DIS3: variants seen among roughly 807,000 people sequenced by gnomAD.
The protein encoded by DIS3 is exosome complex exonuclease RRP44.
In DIS3, 103 loss-of-function variants were observed where a neutral mutation model predicts 113.0. The ratio of observed to expected loss-of-function variants is 0.91; its 90% CI spans 0.78 to 1.07. The LOEUF (loss-of-function observed/expected upper bound fraction) is 1.07, where lower values mean the gene tolerates loss of function less well. DIS3 is among the 50% of genes least tolerant of loss of function. DIS3 has a pLI of 0.00. For synonymous variants in DIS3, 402 were observed against 394.3 expected, an observed-to-expected ratio of 1.02 and a Z score of -0.23; for missense variants, 1,121 against 1,167.1, an observed-to-expected ratio of 0.96 and a Z score of 0.58.
intron 14 of DIS3, among the ~76,000 whole-genome samples, chr13:72,768,390 C>T (rs3782941): frequency 0.093 from 14,082 of 152,178 alleles, 1,813 homozygotes; most frequent in African/African-American, 0.29. Context: ...TGGCTCACAC[C>T]TGTAATCCCA....
At chr13:72,780,533 A>T (rs901235070) in intron 2 of DIS3, among the ~76,000 whole-genome samples, 1 of 152,124 alleles carries the variant, frequency 6.6e-6, no homozygotes, top group Non-Finnish European at 1.5e-5. Flanking sequence ...GAACTTAAGC[A>T]AATCTCATCT....
At position 72,758,327 on chromosome 13, in the gene DIS3, G is replaced by A. The variant is rs112457206; in HGVS notation, c.*1468C>T. ...TCACACAATGATGAAATTGCCAAGT[G>A]ACATGTCTCAGAACATATCCCTGTC... On this transcript the variant is annotated 3_prime_UTR_variant, in exon 21 of 21. Coordinates refer to ENST00000377767, the MANE Select transcript of DIS3 (RefSeq NM_014953.5). 667 of 183,136 alleles carry A rather than the reference G, an allele frequency of 3.6e-3. 9 individuals are homozygous for A. The highest frequency in any genetic ancestry group is 0.014 in the African/African-American group (615 of 42,620). 11.3% of individuals were successfully genotyped at this position (183,136 alleles called of 1,614,324 possible).
chr13:72,771,014 G>A (rs948374505), intron 12 of DIS3, 26 bp from the exon 13 acceptor site: 5 of 1,606,294 alleles, frequency 3.1e-6, no homozygotes, highest in Non-Finnish European at 4.3e-6. Context: ...CAGAGTATTT[G>A]TTAATGGGAA....
In DIS3 at chr13:72,758,244, T is replaced by C. The variant is rs895438964; in HGVS notation, c.*1551A>G. The C allele has an allele frequency of 5.5e-6, 1 of 182,142 alleles. No homozygotes were observed. Among genetic ancestry groups the C allele is most frequent in the Admixed American group, 6.3e-5 (1 of 15,958 alleles). 11.3% of individuals were successfully genotyped at this position (182,142 alleles called of 1,614,324 possible). ...TTTGTAGGTTAGGAGCAATAGGCTA[T>C]CCCATATAGGATACCATAGGGTATA... On this transcript the variant is annotated 3_prime_UTR_variant, in exon 21 of 21. Coordinates refer to ENST00000377767, the MANE Select transcript of DIS3 (RefSeq NM_014953.5).
At chr13:72,763,196 G>A (rs1593836649) in intron 16 of DIS3, among the ~76,000 whole-genome samples, 1 of 152,108 alleles carries the variant, frequency 6.6e-6, no homozygotes, top group South Asian at 2.1e-4. Flanking sequence ...AGCTCCTCAG[G>A]AGGCTGAGGC....
rs2033560829 is a variant in DIS3, at chr13:72,759,017, G to GTATA, written c.*774_*777dup. 2 of 178,182 alleles carry GTATA rather than the reference G, an allele frequency of 1.1e-5. No homozygotes were observed. Among genetic ancestry groups the GTATA allele is most frequent in the Admixed American group, 1.3e-4 (2 of 15,714 alleles). 11.0% of individuals were successfully genotyped at this position (178,182 alleles called of 1,614,324 possible). ...TATGTCTTTATACAGTTCCCCTCGTGTATATACACTGATATAACTACAATT... is the reference window on the plus strand; with the variant it reads ...TATGTCTTTATACAGTTCCCCTCGTGTATATATATACACTGATATAACTACAATT... On this transcript the variant is annotated 3_prime_UTR_variant, in exon 21 of 21. Coordinates refer to ENST00000377767, the MANE Select transcript of DIS3 (RefSeq NM_014953.5).
rs1397016684 is a variant in DIS3 at position 72,768,876 on chromosome 13, C to T, written c.1792G>A (p.Asp598Asn). 6.2e-7 allele frequency: 1 copy of T among 1,602,892 alleles called. No individual in the cohort carries two copies. Among genetic ancestry groups the T allele is most frequent in the Admixed American group, 1.7e-5 (1 of 59,898 alleles). ...LTYAEAQLRI[D>N]SANMNDDITT... ...ATATCATCATTCATGTTTGCTGAATCAATTCTCAACTGAGCTTCAGCATAC... is the reference window on the plus strand; with the variant it reads ...ATATCATCATTCATGTTTGCTGAATTAATTCTCAACTGAGCTTCAGCATAC... Residue 598 changes from aspartate (D) to asparagine (N), a missense_variant, in exon 14 of 21, where the codon GAT becomes AAT. By Grantham distance (23) the Asp-to-Asn change is conservative. Transcript: ENST00000377767.
At chr13:72,769,558 CAG>C (rs1315464866) in intron 13 of DIS3, among the ~76,000 whole-genome samples, 1 of 146,748 alleles carries the variant, frequency 6.8e-6, no homozygotes, top group Non-Finnish European at 1.5e-5. Context: ...AAGAGCATAA[CAG>C]AGTTAGATAA....
chr13:72,757,919 A>T lies in DIS3; in HGVS notation c.*1876T>A. On this transcript the variant is annotated 3_prime_UTR_variant, in exon 21 of 21. Coordinates refer to ENST00000377767, the MANE Select transcript of DIS3 (RefSeq NM_014953.5). The stretch of plus-strand genomic sequence containing the variant: ...GGGGACACAGCCATGGTAACATCAT[A>T]GTGAAATTACTTTATGTAGCCTAAG... 1 of 201,848 alleles carries T rather than the reference A, an allele frequency of 5.0e-6. No individual in the cohort carries two copies. The highest frequency in any genetic ancestry group is 1.0e-5 in the Non-Finnish European group (1 of 98,048). 12.5% of individuals were successfully genotyped at this position (201,848 alleles called of 1,614,324 possible).
chr13:72,781,323 A>C, intron 1 of DIS3: 1 of 1,551,234 alleles, frequency 6.4e-7, no homozygotes, highest in Non-Finnish European at 8.7e-7. Context: ...GAGGCCACAG[A>C]AGCCCAGGTC....
rs1389999373 is a variant in DIS3 at position 72,769,148 on chromosome 13, T to C, written c.1756-236A>G. On this transcript the variant is annotated intron_variant, in intron 13 of 20. Transcript: ENST00000377767. ...CATATTTTAAAAGGTAAAATGGCAATGTTGTTAGCAAATAAACTTTAAACT... is the reference window on the plus strand; with the variant it reads ...CATATTTTAAAAGGTAAAATGGCAACGTTGTTAGCAAATAAACTTTAAACT... Among the ~76,000 whole-genome samples, 4 of 152,238 alleles carry C rather than the reference T, an allele frequency of 2.6e-5. No homozygotes were observed. In the South Asian group the frequency reaches 8.3e-4, roughly 31 times the overall value.
chr13:72,762,663 C>T (rs2033654133), intron 16 of DIS3, among the ~76,000 whole-genome samples: 1 of 152,090 alleles, frequency 6.6e-6, no homozygotes, highest in African/African-American at 2.4e-5. Context: ...CCATAGTCAC[C>T]CAAGGGGTAA....
chr13:72,778,513 G>C (rs1259586384), intron 2 of DIS3, 133 bp from the exon 3 acceptor site: 1 of 556,462 alleles, frequency 1.8e-6, no homozygotes, highest in Non-Finnish European at 2.9e-6. Flanking sequence ...AATGTATTCA[G>C]ATGTACACCT....
chr13:72,763,393 TAG>T, intron 16 of DIS3, 56 bp downstream of exon 16: 1 of 1,506,108 alleles, frequency 6.6e-7, no homozygotes, highest in Non-Finnish European at 9.0e-7. Context: ...ATAAATTATT[TAG>T]AACAACAGGT....
At chr13:72,761,064 C>A (rs2033611155) in intron 19 of DIS3, among the ~76,000 whole-genome samples, 1 of 151,840 alleles carries the variant, frequency 6.6e-6, no homozygotes, top group African/African-American at 2.4e-5. Context: ...AAAAAAAGTT[C>A]CTTCCCCGAG....
At chr13:72,765,717 T>C (rs747707813) in intron 15 of DIS3, among the ~76,000 whole-genome samples, 2 of 152,196 alleles carry the variant, frequency 1.3e-5, no homozygotes, top group Non-Finnish European at 2.9e-5. Context: ...CTATTACTAG[T>C]CAAGTTCTAA....
At chr13:72,780,023 G>GCACA (rs886996871) in intron 2 of DIS3, among the ~76,000 whole-genome samples, 1 of 151,798 alleles carries the variant, frequency 6.6e-6, no homozygotes, top group African/African-American at 2.4e-5. Flanking sequence ...GAATCTAAAA[G>GCACA]CACAACAAAG....
chr13:72,777,592 C>A, intron 3 of DIS3, 99 bp from the exon 4 acceptor site: 1 of 1,004,946 alleles, frequency 1.0e-6, no homozygotes, highest in Non-Finnish European at 1.5e-6. Flanking sequence ...GTCATTCTTT[C>A]ATTCATTGAG....
rs1458416664 is a variant in DIS3 at position 72,772,854 on chromosome 13, CATT to C, written c.1240-18_1240-16del. On this transcript the variant is annotated splice_polypyrimidine_tract_variant and intron_variant, in intron 8 of 20. Transcript: ENST00000377767. ...ACAAAGTGTCCCTGAAACCAAGAGGCATTATTAGAAACGCCTATTTTATAGCAA... is the reference window on the plus strand; with the variant it reads ...ACAAAGTGTCCCTGAAACCAAGAGGCATTAGAAACGCCTATTTTATAGCAA... The C allele has an allele frequency of 6.4e-7, 1 of 1,573,192 alleles. No homozygotes were observed. Among genetic ancestry groups the C allele is most frequent in the Non-Finnish European group, 8.6e-7 (1 of 1,164,436 alleles).
Sources: allele counts gnomAD v4.1 joint callset (sites outside exome capture counted in the v4.1 genomes callset), GRCh38; gene constraint gnomAD v4.1.1; transcripts MANE v1.5; gene names NCBI Gene and HGNC (gene_info 2026-07-23, HGNC 2026-07-21).